NUMB: variants seen among roughly 807,000 people sequenced by gnomAD.
NUMB encodes NUMB endocytic adaptor protein.
NUMB carries 29 observed loss-of-function variants against 59.7 expected under a neutral mutation model. The observed-to-expected ratio is 0.49, with a 90% CI of 0.36 to 0.66. The LOEUF is 0.66. Ranked by LOEUF, NUMB falls within the 30% of genes least tolerant of loss-of-function variation. The probability of loss-of-function intolerance (pLI) is 0.00; values close to 1 mark genes in which losing one functional copy is unlikely to be tolerated. For missense variants in NUMB, 723 were observed against 822.0 expected (o/e 0.88, Z 1.47); for synonymous variants, 288 against 288.2 (o/e 1.00, Z 0.01).
chr14:73,425,803 T>A (rs145233744), intron 1 of NUMB, among the ~76,000 whole-genome samples: 2,051 of 149,206 alleles, frequency 0.014, 23 homozygotes, highest in Middle Eastern at 0.024. Context: ...ATTCTAATTT[T>A]ATTTAATTTT....
At chr14:73,381,237 GGT>G (rs935302469) in intron 2 of NUMB, among the ~76,000 whole-genome samples, 4 of 151,756 alleles carry the variant, frequency 2.6e-5, no homozygotes, top group African/African-American at 9.7e-5. Flanking sequence ...GTCTATGAAA[GGT>G]ACCTAATATA....
intron 1 of NUMB, among the ~76,000 whole-genome samples, chr14:73,434,645 T>C (rs1897974549): frequency 6.6e-6 from 1 of 152,098 alleles, no homozygotes; most frequent in Non-Finnish European, 1.5e-5. Context: ...GTGGGAGAAC[T>C]GCTTGAGGTG....
intron 4 of NUMB, among the ~76,000 whole-genome samples, chr14:73,342,614 T>C (rs1468614894): frequency 1.3e-5 from 2 of 152,162 alleles, no homozygotes; most frequent in African/African-American, 4.8e-5. Flanking sequence ...ATTTCTAGTA[T>C]TAAAAATTCA....
intron 2 of NUMB, among the ~76,000 whole-genome samples, chr14:73,390,344 A>C (rs1390811538): frequency 2.0e-5 from 3 of 152,230 alleles, no homozygotes; most frequent in Non-Finnish European, 4.4e-5. Context: ...AGTTTGAAAA[A>C]ACATTCCAAA....
intron 2 of NUMB, among the ~76,000 whole-genome samples, chr14:73,371,550 CTATAT>C (rs1437749810): frequency 7.9e-5 from 12 of 152,038 alleles, no homozygotes; most frequent in Non-Finnish European, 1.5e-4. Flanking sequence ...AAAAAACTTA[CTATAT>C]GTCTACAGTC....
At chr14:73,391,028 TATATTCAACCTCTATTTTTGAA>T (rs1279657752) in intron 2 of NUMB, among the ~76,000 whole-genome samples, 7 of 144,576 alleles carry the variant, frequency 4.8e-5, no homozygotes, top group African/African-American at 1.8e-4. Flanking sequence ...ACTTGTTGAA[TATATTCAACCTCTATTTTTGAA>T]AATAGAGGTT....
At chr14:73,418,571 A>C (rs1897224300) in intron 1 of NUMB, among the ~76,000 whole-genome samples, 1 of 152,106 alleles carries the variant, frequency 6.6e-6, no homozygotes, top group Non-Finnish European at 1.5e-5. Context: ...CAGGAGTTCA[A>C]GACCAGCCTG....
At chr14:73,432,167 A>T (rs1897861677) in intron 1 of NUMB, among the ~76,000 whole-genome samples, 1 of 152,172 alleles carries the variant, frequency 6.6e-6, no homozygotes, top group African/African-American at 2.4e-5. Context: ...ATAGTACTAT[A>T]TACAAAAATC....
chr14:73,352,999 TA>T (rs1404402112), intron 4 of NUMB, among the ~76,000 whole-genome samples: 1 of 147,896 alleles, frequency 6.8e-6, no homozygotes, highest in Non-Finnish European at 1.5e-5. Context: ...ATTAAATACA[TA>T]ATACAGATCT....
chr14:73,416,970 C>T (rs550738166), intron 1 of NUMB, among the ~76,000 whole-genome samples: 1 of 151,574 alleles, frequency 6.6e-6, no homozygotes, highest in Non-Finnish European at 1.5e-5. Context: ...AAGAGCAGAA[C>T]AGAAGAGCAG....
rs1451963498 is a variant in NUMB, at chr14:73,447,682, AAAAAG to A, written c.-233+10806_-233+10810del. On this transcript the variant is annotated intron_variant, in intron 1 of 12. Transcript: ENST00000555238. ...AGAATGACCTCATCTCTACAAAAAA[AAAAAG>A]AAAAGAAAAAATAAAGAACAACATT... is the stretch of plus-strand genomic sequence containing the variant. 2.3e-4 allele frequency among the ~76,000 whole-genome samples: 35 copies of A among 151,848 alleles called. No homozygotes were observed. The East Asian group carries it at 2.3e-3, about 10-fold the overall frequency.
At chr14:73,440,620 C>G (rs72736372) in intron 1 of NUMB, among the ~76,000 whole-genome samples, 1 of 151,098 alleles carries the variant, frequency 6.6e-6, no homozygotes. Flanking sequence ...CTGAGGCGGG[C>G]GGATCACGAG....
At chr14:73,347,835 C>G (rs1468349498) in intron 4 of NUMB, among the ~76,000 whole-genome samples, 1 of 152,160 alleles carries the variant, frequency 6.6e-6, no homozygotes, top group South Asian at 2.1e-4. Context: ...CTCTCTTTCC[C>G]TAGGCAATCT....
intron 1 of NUMB, among the ~76,000 whole-genome samples, chr14:73,426,213 TAA>T (rs1341650287): frequency 6.6e-6 from 1 of 152,112 alleles, no homozygotes; most frequent in Non-Finnish European, 1.5e-5. Flanking sequence ...TAACTATATA[TAA>T]GTGTATCAAA....
rs369021628 is a variant in NUMB at position 73,398,633 on chromosome 14, A to G, written c.-101+11304T>C. On this transcript the variant is annotated intron_variant, in intron 2 of 12. Coordinates refer to ENST00000555238, the MANE Select transcript of NUMB (RefSeq NM_001005743.2). ...GGGGAAACCCAAATTGTAACAAGTAAATGAAAAGATGCCCAACCTCACAAT... is the reference window on the plus strand; with the variant it reads ...GGGGAAACCCAAATTGTAACAAGTAGATGAAAAGATGCCCAACCTCACAAT... Among the ~76,000 whole-genome samples, 24 of 152,206 alleles carry G rather than the reference A, an allele frequency of 1.6e-4. No homozygotes were observed. In the East Asian group the frequency reaches 4.4e-3, roughly 28 times the overall value.
chr14:73,288,634 C>T (rs1046688439), intron 8 of NUMB, among the ~76,000 whole-genome samples: 2 of 150,866 alleles, frequency 1.3e-5, no homozygotes, highest in Non-Finnish European at 2.9e-5. Context: ...CTGAGGTGGG[C>T]GGATCACCTG....
intron 12 of NUMB, 34 bp from the exon 13 acceptor site, chr14:73,277,327 G>A: frequency 6.8e-7 from 1 of 1,478,226 alleles, no homozygotes; most frequent in Non-Finnish European, 9.3e-7. Flanking sequence ...AAAAGAATCA[G>A]TTAGGGGCAT....
chr14:73,366,595 G>A (rs1894356921), intron 3 of NUMB, among the ~76,000 whole-genome samples: 1 of 152,116 alleles, frequency 6.6e-6, no homozygotes, highest in Admixed American at 6.6e-5. Flanking sequence ...CTGATGTATG[G>A]AAAAGTTAAG....
chr14:73,436,894 G>C (rs181317700), intron 1 of NUMB, among the ~76,000 whole-genome samples: 8 of 151,334 alleles, frequency 5.3e-5, no homozygotes, highest in Admixed American at 1.3e-4. Context: ...CAGGAGAATC[G>C]CTTGAACCCA....
Sources: allele counts gnomAD v4.1 joint callset (sites outside exome capture counted in the v4.1 genomes callset), GRCh38; gene constraint gnomAD v4.1.1; transcripts MANE v1.5; gene names NCBI Gene and HGNC (gene_info 2026-07-23, HGNC 2026-07-21).